The following DCDC2 variants were observed in gnomAD, a reference collection of about 807,000 sequenced individuals.
DCDC2 encodes the protein doublecortin domain-containing protein 2.
DCDC2 carries 40 observed loss-of-function variants against 50.2 expected under a neutral mutation model. The ratio of observed to expected loss-of-function variants is 0.80; its 90% CI spans 0.62 to 1.04. The LOEUF (loss-of-function observed/expected upper bound fraction) is 1.04. Among genes scored for constraint, DCDC2 ranks in the 50% least tolerant of loss-of-function variants. DCDC2 has a pLI of 0.00. For missense variants in DCDC2, 570 were observed against 581.9 expected (o/e 0.98, Z 0.21); for synonymous variants, 234 against 210.6 (o/e 1.11, Z -0.96).
intron 7 of DCDC2, among the ~76,000 whole-genome samples, chr6:24,240,709 C>T (rs894031064): frequency 6.6e-6 from 1 of 152,192 alleles, no homozygotes; most frequent in African/African-American, 2.4e-5. Context: ...TAGCATCACG[C>T]TGTGGTCAGA....
chr6:24,357,455 C>T lies in DCDC2; in HGVS notation c.293+3G>A. On this transcript the variant is annotated splice_donor_region_variant and intron_variant, in intron 1 of 9. Coordinates refer to ENST00000378454, the MANE Select transcript of DCDC2 (RefSeq NM_016356.5). ...GGGTGGGCGGTGGGGGAGACCGACTCACTTGAGTTTCTTGAAGGCTTCCTG... is the reference window on the plus strand; with the variant it reads ...GGGTGGGCGGTGGGGGAGACCGACTTACTTGAGTTTCTTGAAGGCTTCCTG... The T allele has an allele frequency of 6.3e-7, 1 of 1,597,256 alleles. No homozygotes were observed. The highest frequency in any genetic ancestry group is 8.5e-7 in the Non-Finnish European group (1 of 1,170,518).
At chr6:24,228,196 GCTT>G (rs1188894371) in intron 7 of DCDC2, among the ~76,000 whole-genome samples, 1 of 152,152 alleles carries the variant, frequency 6.6e-6, no homozygotes, top group Non-Finnish European at 1.5e-5. Context: ...ATCAGCTCTG[GCTT>G]CTTTTTGGAA....
chr6:24,380,172 TA>T, the DCDC2 span, among the ~76,000 whole-genome samples: 1 of 152,120 alleles, frequency 6.6e-6, no homozygotes, highest in East Asian at 1.9e-4. Context: ...ACGTGTATCC[TA>T]GAACTTAAAG....
intron 6 of DCDC2, among the ~76,000 whole-genome samples, chr6:24,279,750 C>G (rs1561755951): frequency 6.6e-6 from 1 of 152,220 alleles, no homozygotes; most frequent in Non-Finnish European, 1.5e-5. Context: ...AGCTACTGCT[C>G]TGCCACTGAA....
chr6:24,187,524 CA>C (rs1289101219), intron 8 of DCDC2, among the ~76,000 whole-genome samples: 3 of 151,320 alleles, frequency 2.0e-5, no homozygotes, highest in Non-Finnish European at 4.4e-5. Context: ...TATTTATGTG[CA>C]AAAAAAATAG....
chr6:24,335,200 T>C (rs1200137063), intron 2 of DCDC2, among the ~76,000 whole-genome samples: 1 of 152,090 alleles, frequency 6.6e-6, no homozygotes, highest in East Asian at 1.9e-4. Flanking sequence ...TACAATAATA[T>C]CACAAGTAAC....
intron 7 of DCDC2, among the ~76,000 whole-genome samples, chr6:24,233,900 A>T (rs1210303464): frequency 6.6e-6 from 1 of 152,218 alleles, no homozygotes; most frequent in Non-Finnish European, 1.5e-5. Context: ...TCATTCAATG[A>T]TTATTTTACT....
At chr6:24,294,627 C>T (rs116804127) in intron 4 of DCDC2, among the ~76,000 whole-genome samples, 1,756 of 151,932 alleles carry the variant, frequency 0.012, 36 homozygotes, top group African/African-American at 0.038. Context: ...CAATTAGGAA[C>T]GACAAATGGG....
intron 8 of DCDC2, among the ~76,000 whole-genome samples, chr6:24,187,946 T>A (rs889743767): frequency 6.6e-6 from 1 of 152,238 alleles, no homozygotes; most frequent in Admixed American, 6.5e-5. Context: ...GGTAAACTTG[T>A]CCAAAATTCT....
At chr6:24,335,417 A>G (rs1277238943) in intron 2 of DCDC2, among the ~76,000 whole-genome samples, 1 of 152,174 alleles carries the variant, frequency 6.6e-6, no homozygotes, top group African/African-American at 2.4e-5. Context: ...TCGACCATCA[A>G]AGGATGTATA....
At chr6:24,254,947 T>C (rs577194782) in intron 7 of DCDC2, among the ~76,000 whole-genome samples, 9 of 152,084 alleles carry the variant, frequency 5.9e-5, no homozygotes, top group Admixed American at 3.9e-4. Flanking sequence ...TTGGAGGAAA[T>C]TGGGAAATTA....
chr6:24,205,258 C>CGG, intron 7 of DCDC2, 156 bp from the exon 8 acceptor site: 1 of 1,566,786 alleles, frequency 6.4e-7, no homozygotes, highest in Non-Finnish European at 8.7e-7. Flanking sequence ...ACCACCACAC[C>CGG]ACCCCCAGTT....
At chr6:24,196,972 C>T (rs1371850503) in intron 8 of DCDC2, among the ~76,000 whole-genome samples, 3 of 152,096 alleles carry the variant, frequency 2.0e-5, no homozygotes, top group Non-Finnish European at 2.9e-5. Flanking sequence ...GTCAGCAGAC[C>T]ATAGAGAATG....
At chr6:24,246,352 GTAAAATTTTAGAGAAAA>G (rs761215143) in intron 7 of DCDC2, among the ~76,000 whole-genome samples, 51 of 151,138 alleles carry the variant, frequency 3.4e-4, no homozygotes, top group Non-Finnish European at 4.1e-4. Flanking sequence ...ATCTTTAGTG[GTAAAATTTTAGAGAAAA>G]TAAAATAAAT....
At position 24,174,406 on chromosome 6, in the gene DCDC2, A is replaced by G. The variant is rs1490894046; in HGVS notation, c.*324T>C. The G allele has an allele frequency of 5.9e-6, 1 of 170,454 alleles. No homozygotes were observed. Among genetic ancestry groups the G allele is most frequent in the East Asian group, 1.6e-4 (1 of 6,384 alleles). 10.6% of individuals were successfully genotyped at this position (170,454 alleles called of 1,614,324 possible). On this transcript the variant is annotated 3_prime_UTR_variant, in exon 10 of 10. Transcript: ENST00000378454. The stretch of plus-strand genomic sequence containing the variant: ...TTATTTAGAATAAACTGCCTTCTAA[A>G]CTTATAATAAAGCGTACAATAAGAG...
intron 5 of DCDC2, among the ~76,000 whole-genome samples, chr6:24,290,115 T>C (rs1346454533): frequency 1.4e-5 from 2 of 145,354 alleles, no homozygotes; most frequent in Non-Finnish European, 3.0e-5. Flanking sequence ...TGCCTCAGCC[T>C]CCCAAGTAGC....
At chr6:24,367,958 G>T in the DCDC2 span, among the ~76,000 whole-genome samples, 15 of 151,968 alleles carry the variant, frequency 9.9e-5, no homozygotes, top group South Asian at 1.0e-3. Flanking sequence ...ATGACCAAAG[G>T]TTTTTTTAAA....
At chr6:24,195,030 A>G (rs975287258) in intron 8 of DCDC2, among the ~76,000 whole-genome samples, 1 of 152,144 alleles carries the variant, frequency 6.6e-6, no homozygotes, top group African/African-American at 2.4e-5. Context: ...TTAGTCCACA[A>G]TGCGTAACAT....
chr6:24,305,790 G>A, intron 2 of DCDC2, among the ~76,000 whole-genome samples: 1 of 144,634 alleles, frequency 6.9e-6, no homozygotes, highest in African/African-American at 2.8e-5. Flanking sequence ...ACTTTGGGAG[G>A]CCAAGGGGGG....
Sources: allele counts gnomAD v4.1 joint callset (sites outside exome capture counted in the v4.1 genomes callset), GRCh38; gene constraint gnomAD v4.1.1; transcripts MANE v1.5; gene names NCBI Gene and HGNC (gene_info 2026-07-23, HGNC 2026-07-21).